ADCY9: variants seen among roughly 807,000 people sequenced by gnomAD.
The protein encoded by ADCY9 is adenylate cyclase type 9.
ADCY9 carries 50 observed loss-of-function variants against 101.5 expected under a neutral mutation model. That is an observed-to-expected ratio of 0.49 (90% confidence interval 0.39 to 0.62). The LOEUF (loss-of-function observed/expected upper bound fraction) is 0.62, where lower values mean the gene tolerates loss of function less well. Ranked by LOEUF, ADCY9 falls within the 20% of genes least tolerant of loss-of-function variation. The pLI is 0.00. For synonymous variants in ADCY9, 905 were observed against 769.3 expected (o/e 1.18, Z -2.92); for missense variants, 1,662 against 1,800.4 (o/e 0.92, Z 1.39).
At chr16:3,957,079 T>G (rs751957085) in intron 5 of ADCY9, among the ~76,000 whole-genome samples, 1 of 152,188 alleles carries the variant, frequency 6.6e-6, no homozygotes, top group Non-Finnish European at 1.5e-5. Flanking sequence ...AGCCTGACAT[T>G]AAACTCACAC....
intron 2 of ADCY9, among the ~76,000 whole-genome samples, chr16:4,014,835 A>G (rs1728038792): frequency 6.6e-6 from 1 of 150,762 alleles, no homozygotes; most frequent in Non-Finnish European, 1.5e-5. Flanking sequence ...GGTACCTTCT[A>G]TACCCAGCTT....
chr16:3,965,540 C>T lies in ADCY9; in HGVS notation c.*235G>A, dbSNP rs1050877739. The T allele has an allele frequency of 3.2e-5, 18 of 567,586 alleles. No homozygotes were observed. The highest frequency in any genetic ancestry group is 5.0e-5 in the Non-Finnish European group (16 of 321,854). 35.2% of individuals were successfully genotyped at this position (567,586 alleles called of 1,614,324 possible). On this transcript the variant is annotated 3_prime_UTR_variant, in exon 11 of 11. Transcript: ENST00000294016. ...CCCTGAAGGCACTTGTTCTCCACCA[C>T]GTGCTGAACGGATGACCCAGAGGCA...
chr16:4,102,868 C>T (rs990886049), intron 2 of ADCY9, among the ~76,000 whole-genome samples: 2 of 151,752 alleles, frequency 1.3e-5, no homozygotes, highest in Admixed American at 6.6e-5. Context: ...ATTACAGGTG[C>T]CCACCACCAC....
At chr16:4,011,977 C>T (rs1414229712) in intron 2 of ADCY9, among the ~76,000 whole-genome samples, 2 of 152,232 alleles carry the variant, frequency 1.3e-5, no homozygotes, top group African/African-American at 4.8e-5. Flanking sequence ...CTGTGATTAT[C>T]GACGCAGTGT....
chr16:4,104,523 GA>G (rs1597229614), intron 2 of ADCY9, among the ~76,000 whole-genome samples: 1 of 151,612 alleles, frequency 6.6e-6, no homozygotes, highest in Non-Finnish European at 1.5e-5. Context: ...AAGGCAGAAG[GA>G]TCACTTGAGC....
At chr16:4,018,608 C>T (rs1002078951) in intron 2 of ADCY9, among the ~76,000 whole-genome samples, 1 of 152,214 alleles carries the variant, frequency 6.6e-6, no homozygotes, top group Admixed American at 6.5e-5. Flanking sequence ...AGGCTGCTGG[C>T]TCTCTCCCAG....
In ADCY9 at chr16:3,965,644, T is replaced by C; in HGVS notation, c.*131A>G. 2 of 766,136 alleles carry C rather than the reference T, an allele frequency of 2.6e-6. No homozygotes were observed. The highest frequency in any genetic ancestry group is 2.1e-6 in the Non-Finnish European group (1 of 480,968). The allele number at this position is 766,136 out of a possible 1,614,324, so 47.5% of individuals were successfully genotyped here. ...GAATAACTGTGATCCACACAGAAGT[T>C]AGGGCTGAAATGACCACATAACACC... is the stretch of plus-strand genomic sequence containing the variant. On this transcript the variant is annotated 3_prime_UTR_variant, in exon 11 of 11. Transcript: ENST00000294016.
intron 2 of ADCY9, among the ~76,000 whole-genome samples, chr16:4,049,109 C>A (rs769427998): frequency 1.3e-5 from 2 of 152,198 alleles, no homozygotes; most frequent in Non-Finnish European, 2.9e-5. Context: ...AGGGCTCACC[C>A]GGAAGGCATT....
At chr16:4,011,122 C>T (rs1384190196) in intron 2 of ADCY9, among the ~76,000 whole-genome samples, 2 of 152,078 alleles carry the variant, frequency 1.3e-5, no homozygotes, top group Non-Finnish European at 2.9e-5. Flanking sequence ...AAAGACGGGG[C>T]GAGGTCAGCC....
In ADCY9 at chr16:4,115,371, G is replaced by C; in HGVS notation, c.72C>G (p.Asp24Glu). Residue 24 changes from aspartate (D) to glutamate (E), a missense_variant, in exon 2 of 11, where the codon GAC becomes GAG. By Grantham distance (45) the Asp-to-Glu change is conservative. Around this residue, in one of 5 missense-constraint regions of ADCY9, gnomAD observed 422 missense variants for 392.0 expected, o/e 1.08. Coordinates refer to ENST00000294016, the MANE Select transcript of ADCY9 (RefSeq NM_001116.4). The surrounding 1 kb of genome is among the most constrained non-coding windows in gnomAD (Gnocchi z 6.2). ...TGATCTTGACGCGCACGCTGTTGCT[G>C]TCCCCGCTGGAGTCGCAGCTCACCT... ...STEVSCDSSG[D>E]SNSVRVKINP... The C allele has an allele frequency of 1.2e-6, 2 of 1,607,050 alleles. No individual in the cohort carries two copies. Among genetic ancestry groups the C allele is most frequent in the Non-Finnish European group, 1.7e-6 (2 of 1,177,126 alleles).
intron 3 of ADCY9, among the ~76,000 whole-genome samples, chr16:3,994,096 G>C (rs571594094): frequency 6.6e-6 from 1 of 152,122 alleles, no homozygotes; most frequent in East Asian, 1.9e-4. Context: ...GGCATTGGGG[G>C]GCAAAGCCTT....
rs2056117834 is a variant in ADCY9, at chr16:3,979,113, T to C, written c.2679+3A>G. On this transcript the variant is annotated splice_donor_region_variant and intron_variant, in intron 8 of 10. Transcript: ENST00000294016. ...GAAATAAAACGGCTGAGCCTTTACT[T>C]ACGTGTATGTTGGTCTCATATTCGG... is the stretch of plus-strand genomic sequence containing the variant. 1 of 1,614,040 alleles carries C rather than the reference T, an allele frequency of 6.2e-7. No homozygotes were observed. Among genetic ancestry groups the C allele is most frequent in the African/African-American group, 1.3e-5 (1 of 74,918 alleles).
intron 8 of ADCY9, 122 bp downstream of exon 8, chr16:3,978,994 C>T (rs530304118): frequency 3.1e-6 from 4 of 1,280,774 alleles, no homozygotes; most frequent in East Asian, 2.4e-5. Context: ...GGATTACAGG[C>T]GTGAGCCACC....
chr16:4,083,703 T>C (rs1460960357), intron 2 of ADCY9, among the ~76,000 whole-genome samples: 4 of 152,238 alleles, frequency 2.6e-5, no homozygotes, highest in East Asian at 1.9e-4. Context: ...TAATACATGC[T>C]ACACCATGGG....
rs760308458 is a variant in ADCY9 at position 4,007,486 on chromosome 16, G to A, written c.1766C>T (p.Ser589Phe). 14 of 1,614,002 alleles carry A rather than the reference G, an allele frequency of 8.7e-6. No homozygotes were observed. Among genetic ancestry groups the A allele is most frequent in the Admixed American group, 6.7e-5 (4 of 59,996 alleles). The change falls in exon 3 of 11, where the codon TCT becomes TTT. Residue 589 changes from serine to phenylalanine, a missense_variant. By Grantham distance (155) the Ser-to-Phe change is radical (BLOSUM62 -2). Transcript: ENST00000294016. ...TGAGCCGTCAATGACCTCAAAGCCA[G>A]AAAGCAAGGCCTCTGCACAGCTGCA... ...SRCSCAEALL[S>F]GFEVIDGSQV...
At chr16:3,979,298 C>T (rs1228640769) in intron 7 of ADCY9, 23 bp from the exon 8 acceptor site, 1 of 1,611,920 alleles carries the variant, frequency 6.2e-7, no homozygotes, top group South Asian at 1.1e-5. Flanking sequence ...TGGGGGTTAG[C>T]AGGAGCGACG....
chr16:4,085,593 T>C (rs758891851), intron 2 of ADCY9, among the ~76,000 whole-genome samples: 95 of 152,236 alleles, frequency 6.2e-4, no homozygotes, highest in Middle Eastern at 3.4e-3. Flanking sequence ...GGGAACTCCA[T>C]GTGGGATTCC....
intron 6 of ADCY9, among the ~76,000 whole-genome samples, chr16:3,986,242 G>C (rs34135751): frequency 6.6e-6 from 1 of 152,210 alleles, no homozygotes; most frequent in Non-Finnish European, 1.5e-5. Context: ...GCTCGGCTAA[G>C]AACGCACCCA....
rs1398019228 is a variant in ADCY9, at chr16:4,115,766, T to C, written c.-120A>G. 7.4e-6 allele frequency: 3 copies of C among 404,516 alleles called. No homozygotes were observed. Among genetic ancestry groups the C allele is most frequent in the Non-Finnish European group, 1.3e-5 (3 of 229,804 alleles). 25.1% of individuals were successfully genotyped at this position (404,516 alleles called of 1,614,324 possible). A position where few individuals can be genotyped will look rare whatever the true frequency, so the allele number is the denominator to read the frequency against. Reference sequence around the variant, plus strand: ...TTTGCTCGCTCGCCTTCCGCGCCTCTCGCCCCGAGGGTGGCCTCCGCGCCG... The same window carrying C: ...TTTGCTCGCTCGCCTTCCGCGCCTCCCGCCCCGAGGGTGGCCTCCGCGCCG... On this transcript the variant is annotated 5_prime_UTR_variant, in exon 1 of 11. Transcript: ENST00000294016. The surrounding 1 kb of genome is among the most constrained non-coding windows in gnomAD (Gnocchi z 6.2).
Sources: allele counts gnomAD v4.1 joint callset (sites outside exome capture counted in the v4.1 genomes callset), GRCh38; gene constraint gnomAD v4.1.1; regional missense constraint gnomAD v4.1.1; non-coding constraint Gnocchi (gnomAD v3.1); transcripts MANE v1.5; gene names NCBI Gene and HGNC (gene_info 2026-07-23, HGNC 2026-07-21).